Variants in EPHB1 observed in about 807,000 individuals in gnomAD.
The protein encoded by EPHB1 is ephrin type-B receptor 1.
In EPHB1, 30 loss-of-function variants were observed where a neutral mutation model predicts 94.4. The observed-to-expected ratio is 0.32, with a 90% CI of 0.24 to 0.43. EPHB1 has a LOEUF of 0.43. EPHB1 is among the 20% of genes least tolerant of loss of function. The pLI, the probability that EPHB1 is intolerant of heterozygous loss-of-function variation, is 1.00. For synonymous variants in EPHB1, 522 were observed against 489.1 expected, an observed-to-expected ratio of 1.07 and a Z score of -0.89; for missense variants, 1,055 against 1,308.3, an observed-to-expected ratio of 0.81 and a Z score of 2.99.
At chr3:134,927,043 A>C (rs1451774349) in intron 2 of EPHB1, among the ~76,000 whole-genome samples, 2 of 152,108 alleles carry the variant, frequency 1.3e-5, no homozygotes, top group Non-Finnish European at 2.9e-5. Context: ...AGGAGGTGGG[A>C]GTGCTCTCTT....
intron 10 of EPHB1, among the ~76,000 whole-genome samples, chr3:135,189,406 G>C (rs1032183192): frequency 6.6e-6 from 1 of 152,194 alleles, no homozygotes; most frequent in Non-Finnish European, 1.5e-5. Context: ...AGCCAGGCCT[G>C]GCTTCATGGA....
chr3:134,940,268 G>A (rs1283806194), intron 2 of EPHB1, among the ~76,000 whole-genome samples: 1 of 152,190 alleles, frequency 6.6e-6, no homozygotes, highest in Non-Finnish European at 1.5e-5. Context: ...TAATAATAAT[G>A]TTAATAATTG....
chr3:134,877,844 C>T (rs1177257118), intron 1 of EPHB1, among the ~76,000 whole-genome samples: 1 of 152,154 alleles, frequency 6.6e-6, no homozygotes, highest in Non-Finnish European at 1.5e-5. Context: ...AGTGTCACCC[C>T]AAGGCAGTGA....
At chr3:135,135,941 A>G (rs1297571595) in intron 5 of EPHB1, among the ~76,000 whole-genome samples, 1 of 152,234 alleles carries the variant, frequency 6.6e-6, no homozygotes, top group African/African-American at 2.4e-5. Flanking sequence ...GTTCACAAAG[A>G]ATTTTGGAAT....
chr3:135,132,589 G>A (rs1303617007), intron 4 of EPHB1, 125 bp from the exon 5 acceptor site: 1 of 749,114 alleles, frequency 1.3e-6, no homozygotes, highest in Non-Finnish European at 2.1e-6. Flanking sequence ...AGCCATTTGG[G>A]GTTGAGGAAG....
At chr3:134,906,556 T>C (rs1168913340) in intron 1 of EPHB1, among the ~76,000 whole-genome samples, 1 of 152,242 alleles carries the variant, frequency 6.6e-6, no homozygotes, top group Admixed American at 6.5e-5. Context: ...CCACAACCCT[T>C]CACTATCTAG....
At chr3:134,942,586 G>A (rs2079256124) in intron 2 of EPHB1, among the ~76,000 whole-genome samples, 3 of 152,214 alleles carry the variant, frequency 2.0e-5, no homozygotes, top group Non-Finnish European at 4.4e-5. Context: ...GGTGCATCCC[G>A]GTTATTTATC....
intron 3 of EPHB1, among the ~76,000 whole-genome samples, chr3:134,957,654 C>T (rs918489303): frequency 6.6e-6 from 1 of 152,170 alleles, no homozygotes; most frequent in Non-Finnish European, 1.5e-5. Context: ...TGAAGACTGA[C>T]TGTCTGGGTG....
At chr3:135,072,570 G>C (rs777564835) in intron 3 of EPHB1, among the ~76,000 whole-genome samples, 1 of 152,036 alleles carries the variant, frequency 6.6e-6, no homozygotes, top group African/African-American at 2.4e-5. Context: ...ACTTCCCGCC[G>C]ATCCCCACCA....
chr3:134,898,503 G>T (rs931756269), intron 1 of EPHB1, among the ~76,000 whole-genome samples: 5 of 152,094 alleles, frequency 3.3e-5, no homozygotes, highest in Non-Finnish European at 1.5e-5. Flanking sequence ...GTACTTGGTG[G>T]CAGGCCAACC....
chr3:134,801,836 C>T (rs2035940383), intron 1 of EPHB1, among the ~76,000 whole-genome samples: 1 of 152,062 alleles, frequency 6.6e-6, no homozygotes, highest in Non-Finnish European at 1.5e-5. Flanking sequence ...ATCAAAGGTC[C>T]CTGATATCTG....
intron 3 of EPHB1, among the ~76,000 whole-genome samples, chr3:135,003,581 T>C (rs1011071324): frequency 4.0e-4 from 61 of 151,970 alleles, no homozygotes; most frequent in Non-Finnish European, 5.4e-4. Flanking sequence ...CCATTATTAA[T>C]GTGTGGGAGT....
chr3:135,025,239 T>C, intron 3 of EPHB1, among the ~76,000 whole-genome samples: 1 of 143,792 alleles, frequency 7.0e-6, no homozygotes, highest in Non-Finnish European at 1.5e-5. Context: ...ACTTTAAGTT[T>C]TAGGGTACAT....
intron 1 of EPHB1, among the ~76,000 whole-genome samples, chr3:134,813,128 T>C (rs2036207845): frequency 6.6e-6 from 1 of 152,056 alleles, no homozygotes; most frequent in African/African-American, 2.4e-5. Context: ...TGGATGGTGG[T>C]TTATGATCAG....
intron 10 of EPHB1, among the ~76,000 whole-genome samples, chr3:135,182,967 T>TG (rs201290082): frequency 0.021 from 3,233 of 150,618 alleles, 68 homozygotes; most frequent in Non-Finnish European, 0.03. Context: ...TCGTTTCTTT[T>TG]CTCTTTTCTT....
intron 4 of EPHB1, among the ~76,000 whole-genome samples, chr3:135,128,129 G>A (rs1002035364): frequency 1.3e-5 from 2 of 152,326 alleles, no homozygotes; most frequent in Non-Finnish European, 2.9e-5. Flanking sequence ...GGGAGACCAC[G>A]GTGCTGAGCC....
chr3:135,201,505 T>C lies in EPHB1; in HGVS notation c.2162T>C (p.Leu721Pro), dbSNP rs375704437. The C allele has an allele frequency of 1.9e-6, 3 of 1,613,880 alleles. No homozygotes were observed. The African/African-American group carries it at 4.0e-5, about 22-fold the overall frequency. ...QNDGQFTVIQLVGMLRGIAAG... is the reference protein window; with the variant it reads ...QNDGQFTVIQPVGMLRGIAAG... ...GACGGGCAGTTCACCGTGATCCAGC[T>C]TGTGGGTATGCTCAGGGGCATCGCT... Residue 721 changes from leucine (L) to proline (P), a missense_variant, in exon 12 of 16, where the codon CTT becomes CCT. Physicochemically the swap from Leu to Pro is moderately conservative, Grantham distance 98. Coordinates refer to ENST00000398015, the MANE Select transcript of EPHB1 (RefSeq NM_004441.5).
chr3:135,185,773 G>C (rs1304531155), intron 10 of EPHB1, among the ~76,000 whole-genome samples: 1 of 152,202 alleles, frequency 6.6e-6, no homozygotes, highest in Non-Finnish European at 1.5e-5. Context: ...GAAAAGAGCA[G>C]CTCAGTATAC....
At chr3:134,978,653 A>G (rs561771769) in intron 3 of EPHB1, among the ~76,000 whole-genome samples, 1 of 152,184 alleles carries the variant, frequency 6.6e-6, no homozygotes, top group Non-Finnish European at 1.5e-5. Context: ...CCCTGTCTGT[A>G]GTAGGCCTTG....
Sources: allele counts gnomAD v4.1 joint callset (sites outside exome capture counted in the v4.1 genomes callset), GRCh38; gene constraint gnomAD v4.1.1; transcripts MANE v1.5; gene names NCBI Gene and HGNC (gene_info 2026-07-23, HGNC 2026-07-21).